ATP8B1: variants seen among roughly 807,000 people sequenced by gnomAD.
ATP8B1 encodes the protein phospholipid-transporting ATPase IC.
A neutral mutation model predicts 149.9 loss-of-function variants in ATP8B1; 80 were observed. That is an observed-to-expected ratio of 0.53 (90% CI 0.45 to 0.64). The LOEUF (loss-of-function observed/expected upper bound fraction) is 0.64. Among genes scored for constraint, ATP8B1 ranks in the 30% least tolerant of loss-of-function variants. The probability of loss-of-function intolerance (pLI) is 0.00; values close to 1 mark genes in which losing one functional copy is unlikely to be tolerated. For missense variants in ATP8B1, 1,247 were observed against 1,552.6 expected (o/e 0.80, Z 3.31); for synonymous variants, 536 against 562.8 (o/e 0.95, Z 0.67).
Position 57,748,990 on chromosome 18 carries a change from A to G in ATP8B1, c.-25-17158T>C, listed in dbSNP as rs1173060425. 2.0e-5 allele frequency among the ~76,000 whole-genome samples: 3 copies of G among 152,222 alleles called. No homozygotes were observed. The South Asian group carries it at 6.2e-4, about 31-fold the overall frequency. ...TTAAGAGAAAAGGTACACCTATAGA[A>G]GTATCCAACATGTATTAAAACATCT... On this transcript the variant is annotated intron_variant, in intron 1 of 27. Coordinates refer to ENST00000648908, the MANE Select transcript of ATP8B1 (RefSeq NM_001374385.1).
intron 1 of ATP8B1, among the ~76,000 whole-genome samples, chr18:57,753,568 C>T (rs530664423): frequency 2.6e-4 from 40 of 152,326 alleles, no homozygotes; most frequent in African/African-American, 9.6e-4. Context: ...CAGCCATTGG[C>T]TCCATCTTGA....
chr18:57,793,902 A>G (rs892091624), intron 1 of ATP8B1, among the ~76,000 whole-genome samples: 8 of 152,206 alleles, frequency 5.3e-5, no homozygotes, highest in African/African-American at 1.9e-4. Flanking sequence ...TCACAGCCTA[A>G]GGTTCTCAAA....
At chr18:57,716,767 C>A (rs917993786) in intron 2 of ATP8B1, among the ~76,000 whole-genome samples, 2 of 152,218 alleles carry the variant, frequency 1.3e-5, no homozygotes, top group African/African-American at 4.8e-5. Context: ...CAGCACTGGA[C>A]AGATCTTCCA....
At chr18:57,664,291 G>A (rs956809680) in intron 20 of ATP8B1, among the ~76,000 whole-genome samples, 3 of 151,516 alleles carry the variant, frequency 2.0e-5, no homozygotes, top group Non-Finnish European at 4.4e-5. Flanking sequence ...CAGATCAGTC[G>A]AGGTCAGGAG....
chr18:57,697,750 C>T, intron 7 of ATP8B1, 45 bp downstream of exon 7: 1 of 1,612,668 alleles, frequency 6.2e-7, no homozygotes, highest in South Asian at 1.1e-5. Context: ...AGCACAGGGG[C>T]TGGGGGAGAA....
At chr18:57,788,061 CA>C (rs1389585106) in intron 1 of ATP8B1, among the ~76,000 whole-genome samples, 3 of 151,854 alleles carry the variant, frequency 2.0e-5, no homozygotes, top group Non-Finnish European at 4.4e-5. Context: ...ACGGAATGAA[CA>C]AAATAAAACC....
chr18:57,765,273 T>G (rs1599213067), intron 1 of ATP8B1, among the ~76,000 whole-genome samples: 1 of 152,174 alleles, frequency 6.6e-6, no homozygotes, highest in Non-Finnish European at 1.5e-5. Flanking sequence ...GGGGAGTTGT[T>G]TAATGAGTGC....
intron 1 of ATP8B1, among the ~76,000 whole-genome samples, chr18:57,752,614 A>G (rs12970334): frequency 0.43 from 65,476 of 151,912 alleles, 14,237 homozygotes; most frequent in African/African-American, 0.48. Flanking sequence ...TCCCCCTTCG[A>G]TAAAGCTTAG....
intron 1 of ATP8B1, among the ~76,000 whole-genome samples, chr18:57,798,434 A>G (rs562023101): frequency 6.6e-6 from 1 of 151,674 alleles, no homozygotes; most frequent in African/African-American, 2.4e-5. Context: ...TAGAAAAAAG[A>G]AAAAAAGAAA....
chr18:57,743,283 TCAAGCTCTGCCCAGGAAGC>T (rs1253724737), intron 1 of ATP8B1, among the ~76,000 whole-genome samples: 1 of 152,106 alleles, frequency 6.6e-6, no homozygotes, highest in Admixed American at 6.6e-5. Flanking sequence ...AGATTGGAAT[TCAAGCTCTGCCCAGGAAGC>T]ATCAGAGCCT....
At chr18:57,741,434 C>G (rs1228563797) in intron 1 of ATP8B1, among the ~76,000 whole-genome samples, 1 of 152,198 alleles carries the variant, frequency 6.6e-6, no homozygotes, top group Non-Finnish European at 1.5e-5. Context: ...GGGACTGGAG[C>G]CCTCAGTCCA....
At chr18:57,650,054 G>GA (rs546601517) in intron 27 of ATP8B1, among the ~76,000 whole-genome samples, 174 of 151,684 alleles carry the variant, frequency 1.1e-3, no homozygotes, top group Non-Finnish European at 1.6e-3. Context: ...CTTAAATAAA[G>GA]AAAAAAAACC....
At chr18:57,766,081 T>C (rs563414332) in intron 1 of ATP8B1, among the ~76,000 whole-genome samples, 2 of 151,508 alleles carry the variant, frequency 1.3e-5, no homozygotes, top group Non-Finnish European at 2.9e-5. Context: ...TTTGCTCTTG[T>C]TGCCCAGGCT....
Position 57,691,878 on chromosome 18 carries a change from G to A in ATP8B1, c.1149C>T (p.Tyr383=). 1 of 1,614,158 alleles carries A rather than the reference G, an allele frequency of 6.2e-7. No individual in the cohort carries two copies. ...LYDGEDDTPS[Y]RGFLIFWGYI... The stretch of plus-strand genomic sequence containing the variant: ...AGCCCCAGAAAATGAGGAATCCACG[G>A]TAGGAGGGTGTATCGTCTTCTCCAT... The change falls in exon 12 of 28, where the codon TAC becomes TAT. Residue 383 remains tyrosine, a synonymous_variant. Coordinates refer to ENST00000648908, the MANE Select transcript of ATP8B1 (RefSeq NM_001374385.1).
chr18:57,656,592 G>T (rs1910014586), intron 22 of ATP8B1, among the ~76,000 whole-genome samples: 1 of 151,860 alleles, frequency 6.6e-6, no homozygotes, highest in African/African-American at 2.4e-5. Context: ...GTCCAGGCAG[G>T]CCTTGAACTC....
chr18:57,701,304 G>A lies in ATP8B1; in HGVS notation c.403C>T (p.Gln135Ter). Residue 135 changes from glutamine to a stop codon, truncating the protein, a stop_gained, in exon 5 of 28, where the codon CAA becomes TAA. Coordinates refer to ENST00000648908, the MANE Select transcript of ATP8B1 (RefSeq NM_001374385.1). LOFTEE classifies it high-confidence loss of function. ...GTGTACCAAGCCAGGGTAGAGATTT[G>A]AGGAACTGCCTAAAAGAATAAAAGG... ...LALLILQAVPQISTLAWYTTL... is the reference protein window; with the variant it reads ...LALLILQAVP The A allele has an allele frequency of 6.2e-7, 1 of 1,614,046 alleles. No individual in the cohort carries two copies. The highest frequency in any genetic ancestry group is 8.5e-7 in the Non-Finnish European group (1 of 1,179,882).
chr18:57,731,520 A>G, intron 2 of ATP8B1, 107 bp downstream of exon 2: 2 of 1,263,672 alleles, frequency 1.6e-6, no homozygotes, highest in Non-Finnish European at 2.3e-6. Flanking sequence ...ATCAGAGAAG[A>G]TTCTCTCCTA....
At position 57,655,368 on chromosome 18, in the gene ATP8B1, G is replaced by A; in HGVS notation, c.2757C>T (p.Val919=). The A allele has an allele frequency of 1.2e-6, 2 of 1,614,242 alleles. No homozygotes were observed. The highest frequency in any genetic ancestry group is 2.7e-5 in the African/African-American group (2 of 75,066). ...GISGQEGMQA[V]MSSDYSFAQF... is the part of the protein sequence containing the mutation. ...GAGCAAAGGAATAGTCACTCGACAT[G>A]ACAGCTTGCATTCCTTCTTGTCCAC... The change falls in exon 23 of 28, where the codon GTC becomes GTT. Residue 919 remains valine, a synonymous_variant. Coordinates refer to ENST00000648908, the MANE Select transcript of ATP8B1 (RefSeq NM_001374385.1).
At chr18:57,776,022 A>ATAAG (rs1377050340) in intron 1 of ATP8B1, among the ~76,000 whole-genome samples, 5 of 152,194 alleles carry the variant, frequency 3.3e-5, no homozygotes, top group African/African-American at 9.6e-5. Flanking sequence ...TGATGCCAGG[A>ATAAG]TAAGGAGTAG....
Sources: gnomAD v4.1 joint callset for allele counts (sites outside exome capture counted in the v4.1 genomes callset) on GRCh38, gnomAD v4.1.1 for gene constraint, MANE v1.5 for transcripts, NCBI Gene and HGNC (gene_info 2026-07-23, HGNC 2026-07-21) for gene names.